CPLANE1: variants seen among roughly 807,000 people sequenced by gnomAD.
CPLANE1 encodes the protein ciliogenesis and planar polarity effector 1.
In CPLANE1, 263 loss-of-function variants were observed where a neutral mutation model predicts 362.5. That is an observed-to-expected ratio of 0.73 (90% CI 0.66 to 0.80). CPLANE1 has a LOEUF of 0.80. Among genes scored for constraint, CPLANE1 ranks in the 30% least tolerant of loss-of-function variants. CPLANE1 has a pLI of 0.00. For missense variants in CPLANE1, 3,461 were observed against 3,793.4 expected (o/e 0.91, Z 2.30); for synonymous variants, 1,212 against 1,302.6 (o/e 0.93, Z 1.50).
At chr5:37,130,973 G>A (rs934363847) in intron 46 of CPLANE1, among the ~76,000 whole-genome samples, 17 of 152,312 alleles carry the variant, frequency 1.1e-4, no homozygotes, top group African/African-American at 3.6e-4. Flanking sequence ...ATCCTTGCTT[G>A]CATCTTTCAC....
chr5:37,187,089 T>TAAAAAAA (rs1784298205), intron 23 of CPLANE1, among the ~76,000 whole-genome samples: 3 of 113,106 alleles, frequency 2.7e-5, no homozygotes, highest in African/African-American at 1.4e-4. Context: ...AAAAAAAAAC[T>TAAAAAAA]ATAGTCACTA....
At chr5:37,098,010 C>T in the CPLANE1 span, among the ~76,000 whole-genome samples, 1 of 152,112 alleles carries the variant, frequency 6.6e-6, no homozygotes, top group East Asian at 1.9e-4. Context: ...ATGCACCCAA[C>T]ACTGAAGCAC....
intron 15 of CPLANE1, among the ~76,000 whole-genome samples, chr5:37,214,594 C>A (rs564778594): frequency 6.6e-6 from 1 of 152,312 alleles, no homozygotes; most frequent in East Asian, 1.9e-4. Context: ...GCATAAAATT[C>A]ATTGTAGTTC....
Position 37,157,875 on chromosome 5 carries a change from C to T in CPLANE1, c.7813-7G>A, listed in dbSNP as rs1775583662. The T allele has an allele frequency of 7.4e-7, 1 of 1,346,544 alleles. No individual in the cohort carries two copies. Among genetic ancestry groups the T allele is most frequent in the African/African-American group, 1.7e-5 (1 of 57,590 alleles). The allele number at this position is 1,346,544 out of a possible 1,614,324, so 83.4% of individuals were successfully genotyped here. ...TTATATAAGTATGTCCAACCTGAGC[C>T]AAAACACATAAAACCAAAGAGGGTT... On this transcript the variant is annotated splice_region_variant and splice_polypyrimidine_tract_variant and intron_variant, in intron 39 of 52. Transcript: ENST00000651892.
rs1215706436 is a variant in CPLANE1 at position 37,204,205 on chromosome 5, A to G, written c.3289+1110T>C. Among the ~76,000 whole-genome samples, 8 of 152,206 alleles carry G rather than the reference A, an allele frequency of 5.3e-5. No individual in the cohort carries two copies. In the East Asian group the frequency reaches 1.3e-3, roughly 26 times the overall value. On this transcript the variant is annotated intron_variant, in intron 18 of 52. Transcript: ENST00000651892. ...GAACTGCACAGAAAATTATCAAAGA[A>G]AAGTTTATAGTCAGATTTCCAAGCA...
intron 29 of CPLANE1, among the ~76,000 whole-genome samples, chr5:37,178,060 G>A (rs527823959): frequency 4.2e-4 from 64 of 152,022 alleles, no homozygotes; most frequent in Non-Finnish European, 8.1e-4. Context: ...ATTGTTACAA[G>A]GCAGGCAGAT....
In CPLANE1 at chr5:37,175,930, T is replaced by C. The variant is rs762263576; in HGVS notation, c.5957A>G (p.Asp1986Gly). ...GHTTPQSMQV[D>G]TSSEISSAQI... ...TTACCTAGAAATTTCTGAACTCGTA[T>C]CTACTTGCATTGATTGAGGAGTGGT... Residue 1986 changes from aspartate (D) to glycine (G), a missense_variant, in exon 31 of 53, where the codon GAT becomes GGT. Physicochemically the swap from Asp to Gly is moderately conservative, Grantham distance 94. Coordinates refer to ENST00000651892, the MANE Select transcript of CPLANE1 (RefSeq NM_001384732.1). The C allele has an allele frequency of 1.9e-6, 3 of 1,613,344 alleles. No homozygotes were observed. Among genetic ancestry groups the C allele is most frequent in the South Asian group, 1.1e-5 (1 of 90,976 alleles).
At chr5:37,160,224 G>C (rs985358843) in intron 38 of CPLANE1, among the ~76,000 whole-genome samples, 4 of 152,082 alleles carry the variant, frequency 2.6e-5, no homozygotes, top group Non-Finnish European at 5.9e-5. Context: ...TACCTCCAAG[G>C]CTTTCTCAAA....
intron 16 of CPLANE1, chr5:37,210,794 T>A: frequency 8.4e-7 from 1 of 1,188,364 alleles, no homozygotes. Context: ...AGCTGGCTCC[T>A]GAACTTGCGG....
intron 8 of CPLANE1, among the ~76,000 whole-genome samples, chr5:37,233,000 A>G (rs1040412086): frequency 1.3e-5 from 2 of 152,106 alleles, no homozygotes; most frequent in Admixed American, 1.3e-4. Flanking sequence ...AACACAGGGA[A>G]ACAGTAAGAG....
chr5:37,219,251 T>A (rs1794831731), intron 15 of CPLANE1, among the ~76,000 whole-genome samples: 1 of 152,236 alleles, frequency 6.6e-6, no homozygotes, highest in East Asian at 1.9e-4. Context: ...CACGCATGGC[T>A]GGGCACAGTG....
At chr5:37,192,192 G>C (rs1785734251) in intron 21 of CPLANE1, among the ~76,000 whole-genome samples, 1 of 152,176 alleles carries the variant, frequency 6.6e-6, no homozygotes, top group Admixed American at 6.5e-5. Flanking sequence ...AGTATTCAGT[G>C]TAGTCACATT....
chr5:37,101,480 T>C (rs1406794095), downstream of CPLANE1, among the ~76,000 whole-genome samples: 2 of 152,230 alleles, frequency 1.3e-5, no homozygotes, highest in Admixed American at 1.3e-4. Context: ...AACTTTTTGA[T>C]GTGCTGCTGG....
At chr5:37,085,847 G>C in the CPLANE1 span, 1 of 1,205,648 alleles carries the variant, frequency 8.3e-7, no homozygotes, top group Non-Finnish European at 1.2e-6. Flanking sequence ...ACAGAGCAGT[G>C]GGTGAAATGG....
At chr5:37,142,632 A>C (rs1446089122) in intron 43 of CPLANE1, 152 bp from the exon 44 acceptor site, 6 of 464,232 alleles carry the variant, frequency 1.3e-5, no homozygotes, top group Non-Finnish European at 2.2e-5. Flanking sequence ...TAATGAATTT[A>C]ATAAAAAATT....
rs886060582 is a variant in CPLANE1, at chr5:37,226,723, G to A, written c.1872C>T (p.Ser624=). The change falls in exon 12 of 53, where the codon AGC becomes AGT. Residue 624 remains serine, a synonymous_variant. Transcript: ENST00000651892. The part of the protein sequence containing the change: ...CPFPKLDLVL[S]KSSRHNAWIL... ...TCCATGCATTATGTCTTGAGCTTTT[G>A]CTTAAAACAAGATCAAGTTTAGGAA... 1.4e-4 allele frequency: 215 copies of A among 1,544,860 alleles called. No individual in the cohort carries two copies. The highest frequency in any genetic ancestry group is 1.8e-4 in the Non-Finnish European group (207 of 1,144,262).
At chr5:37,210,125 A>C in intron 16 of CPLANE1, 1 of 919,456 alleles carries the variant, frequency 1.1e-6, no homozygotes, top group Non-Finnish European at 1.8e-6. Flanking sequence ...AAGCTTGTCA[A>C]GCAAAATCTG....
intron 38 of CPLANE1, among the ~76,000 whole-genome samples, chr5:37,161,444 C>T (rs746612096): frequency 2.6e-5 from 4 of 152,138 alleles, no homozygotes; most frequent in Non-Finnish European, 5.9e-5. Flanking sequence ...TCATTTAATT[C>T]ATTAGTTAGC....
At chr5:37,158,580 C>T (rs1031884686) in intron 38 of CPLANE1, among the ~76,000 whole-genome samples, 1 of 152,058 alleles carries the variant, frequency 6.6e-6, no homozygotes, top group African/African-American at 2.4e-5. Flanking sequence ...GAATGATTTA[C>T]AAGAACAATA....
Sources: allele counts gnomAD v4.1 joint callset (sites outside exome capture counted in the v4.1 genomes callset), GRCh38; gene constraint gnomAD v4.1.1; transcripts MANE v1.5; gene names NCBI Gene and HGNC (gene_info 2026-07-23, HGNC 2026-07-21).